ARHGEF4: variants seen among roughly 807,000 people sequenced by gnomAD.
ARHGEF4 encodes APC-stimulated guanine nucleotide exchange factor 1.
A neutral mutation model predicts 162.0 loss-of-function variants in ARHGEF4; 119 were observed. The ratio of observed to expected loss-of-function variants is 0.73; its 90% CI spans 0.63 to 0.86. The LOEUF (loss-of-function observed/expected upper bound fraction) is 0.86, where lower values mean the gene tolerates loss of function less well. Among genes scored for constraint, ARHGEF4 ranks in the 40% least tolerant of loss-of-function variants. ARHGEF4 has a pLI of 0.00. For synonymous variants in ARHGEF4, 1,014 were observed against 979.9 expected, an observed-to-expected ratio of 1.03 and a Z score of -0.65; for missense variants, 2,488 against 2,456.0, an observed-to-expected ratio of 1.01 and a Z score of -0.28.
intron 8 of ARHGEF4, 96 bp downstream of exon 8, chr2:131,040,536 TC>T: frequency 7.4e-7 from 1 of 1,359,730 alleles, no homozygotes; most frequent in Non-Finnish European, 9.8e-7. Context: ...CCCAAAACCT[TC>T]CACAACGCCT....
chr2:131,028,814 C>T (rs907814165), intron 5 of ARHGEF4, among the ~76,000 whole-genome samples: 1 of 152,228 alleles, frequency 6.6e-6, no homozygotes, highest in Non-Finnish European at 1.5e-5. Flanking sequence ...GCCATGTTCT[C>T]TAGTCAGGAG....
intron 1 of ARHGEF4, among the ~76,000 whole-genome samples, chr2:130,849,480 C>CT (rs201960150): frequency 0.011 from 1,632 of 152,152 alleles, 32 homozygotes; most frequent in African/African-American, 0.038. Context: ...CCCAGGCTGC[C>CT]TGTCTGCCCT....
intron 12 of ARHGEF4, 128 bp downstream of exon 12, chr2:131,044,670 G>C: frequency 5.5e-6 from 7 of 1,268,326 alleles, no homozygotes; most frequent in Non-Finnish European, 7.4e-6. Context: ...AAGGCTCCAG[G>C]CACCTCTAGG....
chr2:130,976,464 G>A (rs569064161), intron 4 of ARHGEF4, among the ~76,000 whole-genome samples: 1 of 152,108 alleles, frequency 6.6e-6, no homozygotes, highest in South Asian at 2.1e-4. Flanking sequence ...CACCTTTCCT[G>A]AGCTCTGAGC....
chr2:131,035,804 G>A, intron 5 of ARHGEF4: 1 of 985,378 alleles, frequency 1.0e-6, no homozygotes, highest in Non-Finnish European at 1.2e-6. Flanking sequence ...ACAAACTGCG[G>A]GTGTTCACAG....
At chr2:130,932,844 G>A (rs185508942) in intron 3 of ARHGEF4, among the ~76,000 whole-genome samples, 28 of 152,084 alleles carry the variant, frequency 1.8e-4, no homozygotes, top group Admixed American at 1.0e-3. Flanking sequence ...TTTTCCATGC[G>A]GATATGTAGT....
intron 5 of ARHGEF4, among the ~76,000 whole-genome samples, chr2:131,032,057 C>T (rs59087954): frequency 0.016 from 2,448 of 152,236 alleles, 73 homozygotes; most frequent in African/African-American, 0.055. Flanking sequence ...TGAACAGCAG[C>T]CTGTCCCCTG....
intron 4 of ARHGEF4, among the ~76,000 whole-genome samples, chr2:130,985,862 TGTG>T (rs1438999097): frequency 6.6e-6 from 1 of 151,652 alleles, no homozygotes; most frequent in Non-Finnish European, 1.5e-5. Flanking sequence ...TTGTATATGT[TGTG>T]TGTGCGTGGT....
chr2:130,938,157 A>G (rs1683076625), intron 3 of ARHGEF4, among the ~76,000 whole-genome samples: 1 of 152,182 alleles, frequency 6.6e-6, no homozygotes, highest in Non-Finnish European at 1.5e-5. Context: ...GTTTAATAAC[A>G]TATGTTTTCA....
At chr2:130,848,152 A>C (rs55683027) in intron 1 of ARHGEF4, among the ~76,000 whole-genome samples, 3 of 152,022 alleles carry the variant, frequency 2.0e-5, no homozygotes, top group African/African-American at 7.2e-5. Context: ...AGGATGGGTG[A>C]CTTTGGCCTG....
intron 4 of ARHGEF4, among the ~76,000 whole-genome samples, chr2:130,975,028 TA>T (rs1685609418): frequency 6.6e-6 from 1 of 152,066 alleles, no homozygotes; most frequent in Admixed American, 6.6e-5. Context: ...GTCTCAGGTG[TA>T]AAGCTCTTTT....
At chr2:130,846,360 A>G (rs1434708655) in intron 1 of ARHGEF4, among the ~76,000 whole-genome samples, 1 of 152,186 alleles carries the variant, frequency 6.6e-6, no homozygotes, top group African/African-American at 2.4e-5. Flanking sequence ...CTGGGATCCC[A>G]GGAGCCACCC....
At chr2:131,045,562 C>T (rs764476733) in intron 13 of ARHGEF4, 116 bp downstream of exon 13, 1 of 1,605,668 alleles carries the variant, frequency 6.2e-7, no homozygotes, top group Non-Finnish European at 8.5e-7. Context: ...GGGGGGCCCA[C>T]TGCCCTTTGC....
chr2:130,874,110 A>C (rs1678671300), intron 1 of ARHGEF4, among the ~76,000 whole-genome samples: 1 of 152,154 alleles, frequency 6.6e-6, no homozygotes, highest in Admixed American at 6.5e-5. Context: ...TTTTACGAGC[A>C]GCTTACCAAC....
At chr2:130,868,017 C>T (rs1022240439) in intron 1 of ARHGEF4, among the ~76,000 whole-genome samples, 4 of 150,858 alleles carry the variant, frequency 2.7e-5, no homozygotes, top group African/African-American at 9.8e-5. Flanking sequence ...GCTCCGCCTC[C>T]CAGATTCAGG....
intron 1 of ARHGEF4, among the ~76,000 whole-genome samples, chr2:130,878,119 G>T (rs2104951151): frequency 6.6e-6 from 1 of 152,274 alleles, no homozygotes; most frequent in South Asian, 2.1e-4. Flanking sequence ...TAAAGGGTTG[G>T]CAAAAATTTA....
chr2:130,844,668 C>A (rs1412152968), intron 1 of ARHGEF4, among the ~76,000 whole-genome samples: 1 of 152,048 alleles, frequency 6.6e-6, no homozygotes, highest in Non-Finnish European at 1.5e-5. Flanking sequence ...GAGCTCTGTG[C>A]CCTGGGGCAC....
rs915457537 is a variant in ARHGEF4 at position 130,914,800 on chromosome 2, G to C, written c.854G>C (p.Trp285Ser). ...LGPAGDTELL[W>S]SQPHSDVPCQ... Reference sequence around the variant, plus strand: ...CCTGCAGGGGACACAGAATTGCTCTGGTCCCAGCCCCACTCGGATGTCCCC... The same window carrying C: ...CCTGCAGGGGACACAGAATTGCTCTCGTCCCAGCCCCACTCGGATGTCCCC... Residue 285 changes from tryptophan to serine, a missense_variant, in exon 2 of 14, where the codon TGG (tryptophan) becomes TCG (serine). Coordinates refer to ENST00000409359, the MANE Select transcript of ARHGEF4 (RefSeq NM_001367493.1). 6.9e-7 allele frequency: 1 copy of C among 1,445,890 alleles called. No individual in the cohort carries two copies. The allele number at this position is 1,445,890 out of a possible 1,614,324, so 89.6% of individuals were successfully genotyped here.
intron 2 of ARHGEF4, among the ~76,000 whole-genome samples, chr2:130,926,012 C>CCT (rs1682227897): frequency 9.1e-6 from 1 of 110,362 alleles, no homozygotes; most frequent in African/African-American, 3.6e-5. Context: ...GTTTGGTTTT[C>CCT]TCTCTTTCTT....
Sources: allele counts gnomAD v4.1 joint callset (sites outside exome capture counted in the v4.1 genomes callset), GRCh38; gene constraint gnomAD v4.1.1; transcripts MANE v1.5; gene names NCBI Gene and HGNC (gene_info 2026-07-23, HGNC 2026-07-21).